Variants in NCAPD3 observed in about 807,000 individuals in gnomAD.
NCAPD3 encodes the protein non-SMC condensin II complex subunit D3.
A neutral mutation model predicts 182.9 loss-of-function variants in NCAPD3; 105 were observed. The ratio of observed to expected loss-of-function variants is 0.57; its 90% confidence interval spans 0.49 to 0.68. The LOEUF is 0.68. Ranked by LOEUF, NCAPD3 falls within the 30% of genes least tolerant of loss-of-function variation. The probability of loss-of-function intolerance (pLI) is 0.00; values close to 1 mark genes in which losing one functional copy is unlikely to be tolerated. For synonymous variants in NCAPD3, 815 were observed against 679.9 expected (o/e 1.20, Z -3.09); for missense variants, 1,944 against 1,837.0 (o/e 1.06, Z -1.07).
intron 32 of NCAPD3, among the ~76,000 whole-genome samples, chr11:134,154,479 C>A (rs867257167): frequency 7.8e-6 from 1 of 127,662 alleles, no homozygotes. Flanking sequence ...TTCTCTGCAC[C>A]CCCCCCCCCA....
chr11:134,164,669 G>A (rs549788580), intron 27 of NCAPD3, among the ~76,000 whole-genome samples: 2 of 151,214 alleles, frequency 1.3e-5, no homozygotes, highest in East Asian at 2.0e-4. Context: ...ATGAGCTTGG[G>A]GGAGCTGCAC....
In NCAPD3 at chr11:134,209,438, A is replaced by G. The variant is rs775972496; in HGVS notation, c.607T>C (p.Cys203Arg). ...IIEEQEDENI[C>R]FSARDLSQIR... ...TGAGAAAGGTCCCGGGCAGAAAAAC[A>G]AATATTCTCATCTTCTTGTTCTTCT... is the stretch of plus-strand genomic sequence containing the variant. Residue 203 changes from cysteine to arginine, a missense_variant, in exon 5 of 35, where the codon TGT (cysteine) becomes CGT (arginine). Transcript: ENST00000534548. The G allele has an allele frequency of 1.9e-6, 3 of 1,613,042 alleles. No individual in the cohort carries two copies.
In NCAPD3 at chr11:134,157,102, C is replaced by G. The variant is rs751113688; in HGVS notation, c.4175-7G>C. 7 of 1,608,806 alleles carry G rather than the reference C, an allele frequency of 4.4e-6. No individual in the cohort carries two copies. Among genetic ancestry groups the G allele is most frequent in the South Asian group, 1.1e-5 (1 of 90,396 alleles). The stretch of plus-strand genomic sequence containing the variant: ...TCCAAACTGTATGAAGACACTAGAA[C>G]AGAAAAGGTGCTGCTATCCAGAAAT... On this transcript the variant is annotated splice_polypyrimidine_tract_variant and splice_region_variant and intron_variant, in intron 31 of 34. Coordinates refer to ENST00000534548, the MANE Select transcript of NCAPD3 (RefSeq NM_015261.3).
intron 15 of NCAPD3, among the ~76,000 whole-genome samples, chr11:134,193,118 C>T (rs1192416062): frequency 1.3e-5 from 2 of 152,136 alleles, no homozygotes; most frequent in African/African-American, 4.8e-5. Flanking sequence ...ACATTAAAGT[C>T]ACTATTTTAC....
chr11:134,163,748 T>C (rs1372585170), intron 27 of NCAPD3, among the ~76,000 whole-genome samples: 1 of 143,070 alleles, frequency 7.0e-6, no homozygotes, highest in Admixed American at 7.1e-5. Flanking sequence ...GGCAGGGGCC[T>C]GTAGTCCCAG....
intron 16 of NCAPD3, 72 bp from the exon 17 acceptor site, chr11:134,185,598 C>A: frequency 7.8e-7 from 1 of 1,283,208 alleles, no homozygotes; most frequent in African/African-American, 1.5e-5. Context: ...GGGAGCCTCA[C>A]TGAAAGGGTA....
At chr11:134,174,441 AG>A (rs1470795293) in intron 24 of NCAPD3, among the ~76,000 whole-genome samples, 2 of 151,494 alleles carry the variant, frequency 1.3e-5, no homozygotes, top group South Asian at 4.2e-4. Context: ...CATAGCAGAT[AG>A]GCGTAGCCTT....
intron 22 of NCAPD3, chr11:134,177,736 C>A: frequency 2.4e-6 from 1 of 416,416 alleles, no homozygotes; most frequent in Non-Finnish European, 4.3e-6. Flanking sequence ...ATTTGAATTT[C>A]GCAGTTATCC....
intron 2 of NCAPD3, among the ~76,000 whole-genome samples, chr11:134,218,458 A>G (rs1276251166): frequency 6.6e-6 from 1 of 152,134 alleles, no homozygotes; most frequent in Non-Finnish European, 1.5e-5. Context: ...CTGGTCTCAC[A>G]TTTCTACTAC....
chr11:134,198,760 C>T (rs11607466), intron 13 of NCAPD3, among the ~76,000 whole-genome samples: 12,088 of 152,106 alleles, frequency 0.079, 614 homozygotes, highest in Admixed American at 0.11. Flanking sequence ...GGCAAGGTTG[C>T]AGGACAGAAG....
At chr11:134,194,253 C>T (rs914436487) in intron 14 of NCAPD3, 103 bp from the exon 15 acceptor site, 1 of 1,264,950 alleles carries the variant, frequency 7.9e-7, no homozygotes, top group Non-Finnish European at 1.1e-6. Context: ...TGGTTCTTAA[C>T]ATTTTGGGGT....
In NCAPD3 at chr11:134,194,763, A is replaced by G. The variant is rs1172192887; in HGVS notation, c.1616-25T>C. 21 of 1,538,220 alleles carry G rather than the reference A, an allele frequency of 1.4e-5. 1 individual carries two copies. The South Asian group carries it at 2.5e-4, about 18-fold the overall frequency. ...TCTGTAGAGGGAATACCAAAGGGTC[A>G]TCACAGCTGGAGAAAAGTCACACAG... On this transcript the variant is annotated intron_variant, in intron 13 of 34. Transcript: ENST00000534548.
chr11:134,185,196 T>C, intron 17 of NCAPD3, 139 bp downstream of exon 17: 1 of 923,268 alleles, frequency 1.1e-6, no homozygotes, highest in Non-Finnish European at 1.6e-6. Context: ...CTTATTTTTT[T>C]CATGCTTGTT....
At chr11:134,220,505 T>A in intron 2 of NCAPD3, 67 bp downstream of exon 2, 1 of 1,471,806 alleles carries the variant, frequency 6.8e-7, no homozygotes, top group African/African-American at 1.4e-5. Flanking sequence ...AGCTTCAGAT[T>A]ATAATAATGA....
intron 4 of NCAPD3, 135 bp downstream of exon 4, chr11:134,210,135 T>C (rs1937776206): frequency 1.5e-6 from 1 of 678,182 alleles, no homozygotes; most frequent in Non-Finnish European, 2.5e-6. Flanking sequence ...CAAAGCAGTA[T>C]TGGATAGCTT....
At chr11:134,153,426 G>C in intron 32 of NCAPD3, 63 bp from the exon 33 acceptor site, 1 of 1,534,986 alleles carries the variant, frequency 6.5e-7, no homozygotes. Flanking sequence ...CTCTGTTCTA[G>C]TTGTCCGTGG....
At position 134,220,603 on chromosome 11, in the gene NCAPD3, G is replaced by C. The variant is rs1938190663; in HGVS notation, c.188C>G (p.Pro63Arg). Residue 63 changes from proline (P) to arginine (R), a missense_variant, in exon 2 of 35, where the codon CCC (proline) becomes CGC (arginine). Coordinates refer to ENST00000534548, the MANE Select transcript of NCAPD3 (RefSeq NM_015261.3). ...AGATCCATGTTCTCCAGTAGCAAAG[G>C]GTAAAAGGCTTTCATAGAGTTTTGT... ...AFTKLYESLL[P>R]FATGEHGSME... 2 of 1,613,898 alleles carry C rather than the reference G, an allele frequency of 1.2e-6. No individual in the cohort carries two copies. The highest frequency in any genetic ancestry group is 1.7e-6 in the Non-Finnish European group (2 of 1,179,868).
intron 3 of NCAPD3, among the ~76,000 whole-genome samples, chr11:134,215,681 G>A (rs1332130204): frequency 6.6e-6 from 1 of 152,164 alleles, no homozygotes; most frequent in African/African-American, 2.4e-5. Flanking sequence ...TGCGGCTAGG[G>A]ATTAGAAGAC....
chr11:134,191,649 G>T (rs150911477), intron 16 of NCAPD3, among the ~76,000 whole-genome samples: 78 of 152,274 alleles, frequency 5.1e-4, no homozygotes, highest in African/African-American at 1.6e-3. Flanking sequence ...GCATAAGGAG[G>T]TATCTCTAAG....
Sources: gnomAD v4.1 joint callset for allele counts (sites outside exome capture counted in the v4.1 genomes callset) on GRCh38, gnomAD v4.1.1 for gene constraint, MANE v1.5 for transcripts, NCBI Gene and HGNC (gene_info 2026-07-23, HGNC 2026-07-21) for gene names.